Variants in TXNRD3 observed in about 807,000 individuals in gnomAD.
TXNRD3 encodes the protein TXNRD3 neighbor gene protein.
A neutral mutation model predicts 78.2 loss-of-function variants in TXNRD3; 68 were observed. That is an observed-to-expected ratio of 0.87 (90% confidence interval 0.72 to 1.06). The LOEUF (loss-of-function observed/expected upper bound fraction) is 1.06, where lower values mean the gene tolerates loss of function less well. Among genes scored for constraint, TXNRD3 ranks in the 50% least tolerant of loss-of-function variants. The pLI, the probability that TXNRD3 is intolerant of heterozygous loss-of-function variation, is 0.00. For synonymous variants in TXNRD3, 296 were observed against 300.1 expected, an observed-to-expected ratio of 0.99 and a Z score of 0.14; for missense variants, 751 against 809.5, an observed-to-expected ratio of 0.93 and a Z score of 0.88.
intron 6 of TXNRD3, among the ~76,000 whole-genome samples, chr3:126,638,411 G>C (rs1424467024): frequency 6.6e-6 from 1 of 152,116 alleles, no homozygotes; most frequent in Non-Finnish European, 1.5e-5. Flanking sequence ...GGCTAGCTAA[G>C]TATTTCTTAG....
In TXNRD3 at chr3:126,607,676, C is replaced by T. The variant is rs559887723; in HGVS notation, c.*229G>A. On this transcript the variant is annotated 3_prime_UTR_variant, in exon 16 of 16. Transcript: ENST00000524230. ...CTCATAACGGGGCTCCAAGCTAAGG[C>T]GTCAAGGAAGCAGTCCCACTGCTTC... 8.6e-6 allele frequency: 3 copies of T among 349,016 alleles called. No individual in the cohort carries two copies. Among genetic ancestry groups the T allele is most frequent in the South Asian group, 2.9e-4 (2 of 6,870 alleles). The allele number at this position is 349,016 out of a possible 1,614,324, so 21.6% of individuals were successfully genotyped here.
chr3:126,611,903 G>C (rs77225426), intron 13 of TXNRD3, among the ~76,000 whole-genome samples: 3 of 152,068 alleles, frequency 2.0e-5, no homozygotes, highest in Non-Finnish European at 2.9e-5. Flanking sequence ...TTAATTGCTG[G>C]TGCATGTAGA....
chr3:126,624,804 C>T (rs751412316), intron 10 of TXNRD3: 13 of 188,454 alleles, frequency 6.9e-5, no homozygotes, highest in Admixed American at 1.5e-4. Flanking sequence ...CAGTGAAGCA[C>T]GTATGCTCTA....
chr3:126,621,691 A>C (rs1938459385), intron 12 of TXNRD3, 51 bp downstream of exon 12: 21 of 1,400,524 alleles, frequency 1.5e-5, no homozygotes, highest in Non-Finnish European at 1.9e-5. Flanking sequence ...ATTAGTTTTA[A>C]AAATCATGAT....
At chr3:126,609,809 T>C (rs1438140152) in intron 14 of TXNRD3, among the ~76,000 whole-genome samples, 1 of 152,174 alleles carries the variant, frequency 6.6e-6, no homozygotes, top group Non-Finnish European at 1.5e-5. Context: ...AGAACTAGCA[T>C]GACAGCTGCA....
intron 15 of TXNRD3, 54 bp downstream of exon 15, chr3:126,608,445 A>G: frequency 6.8e-7 from 1 of 1,467,714 alleles, no homozygotes; most frequent in Non-Finnish European, 9.0e-7. Context: ...GCTTTATAAT[A>G]GTTTTTCAAA....
intron 1 of TXNRD3, among the ~76,000 whole-genome samples, chr3:126,648,879 A>G (rs573423597): frequency 6.6e-6 from 1 of 152,324 alleles, no homozygotes; most frequent in East Asian, 1.9e-4. Context: ...CTTGTTCATC[A>G]AAGGACAGTT....
intron 12 of TXNRD3, among the ~76,000 whole-genome samples, 175 bp from the exon 13 acceptor site, chr3:126,615,637 CCT>C (rs1395051479): frequency 2.0e-5 from 3 of 152,108 alleles, no homozygotes. Flanking sequence ...GGGATGGGCC[CCT>C]GACTCAGGGG....
chr3:126,654,869 G>T lies in TXNRD3; in HGVS notation c.122C>A (p.Ser41Ter), dbSNP rs773329142. Residue 41 changes from serine to a stop codon, truncating the protein, a stop_gained, in exon 1 of 16, where the codon TCG (serine) becomes TAG (stop). Transcript: ENST00000524230. LOFTEE classifies it high-confidence loss of function. ...GGACGAGCGGCTGGGCCCGGGGGAC[G>T]ACAGGCGGGCACGGCGCCCCGGCGG... The T allele has an allele frequency of 1.1e-5, 15 of 1,338,406 alleles. No homozygotes were observed. The South Asian group carries it at 2.9e-4, about 26-fold the overall frequency. The allele number at this position is 1,338,406 out of a possible 1,614,324, so 82.9% of individuals were successfully genotyped here.
At chr3:126,629,957 C>G (rs1310371553) in intron 9 of TXNRD3, among the ~76,000 whole-genome samples, 1 of 152,138 alleles carries the variant, frequency 6.6e-6, no homozygotes, top group Non-Finnish European at 1.5e-5. Context: ...GAATCATTAG[C>G]ATTTAGATAA....
chr3:126,636,081 G>A (rs145781944), intron 6 of TXNRD3, among the ~76,000 whole-genome samples: 2 of 152,216 alleles, frequency 1.3e-5, no homozygotes, highest in African/African-American at 4.8e-5. Flanking sequence ...ACAGGCATGA[G>A]CCACCATGCC....
chr3:126,622,858 T>G (rs941054444), intron 10 of TXNRD3, among the ~76,000 whole-genome samples: 3 of 152,142 alleles, frequency 2.0e-5, no homozygotes, highest in Non-Finnish European at 4.4e-5. Context: ...AAATAGGTCA[T>G]ATGGGTGTGC....
intron 12 of TXNRD3, among the ~76,000 whole-genome samples, chr3:126,619,686 T>C (rs1381036222): frequency 6.6e-6 from 1 of 152,192 alleles, no homozygotes; most frequent in African/African-American, 2.4e-5. Context: ...ATTCATTGCA[T>C]ATTTCCAAAA....
chr3:126,620,192 G>A (rs2107613362), intron 12 of TXNRD3, among the ~76,000 whole-genome samples: 1 of 151,930 alleles, frequency 6.6e-6, no homozygotes, highest in Admixed American at 6.6e-5. Context: ...CTACCTGGGA[G>A]GCTGAGGCAG....
In TXNRD3 at chr3:126,608,620, C is replaced by G. The variant is rs1040956876; in HGVS notation, c.1742G>C (p.Gly581Ala). 10 of 1,535,346 alleles carry G rather than the reference C, an allele frequency of 6.5e-6. No individual in the cohort carries two copies. The highest frequency in any genetic ancestry group is 8.7e-6 in the Non-Finnish European group (10 of 1,146,628). Residue 581 changes from glycine (G) to alanine (A), a missense_variant, in exon 15 of 16, where the codon GGA becomes GCA. Transcript: ENST00000524230. ...GGCGTTTGGTCCAAGAATATGAAAT[C>G]CTATCACCCGATCCTTTAATACAGA... is the stretch of plus-strand genomic sequence containing the variant.
intron 14 of TXNRD3, 96 bp downstream of exon 14, chr3:126,610,941 C>A: frequency 1.4e-6 from 1 of 715,086 alleles, no homozygotes; most frequent in Non-Finnish European, 2.1e-6. Flanking sequence ...TGGCAAGATC[C>A]CGTCTCTAAA....
At chr3:126,620,122 C>G (rs1001630406) in intron 12 of TXNRD3, among the ~76,000 whole-genome samples, 9 of 151,938 alleles carry the variant, frequency 5.9e-5, no homozygotes, top group African/African-American at 2.2e-4. Flanking sequence ...AGTGAAACCC[C>G]GTCTCAACTA....
At chr3:126,619,324 A>G (rs1035218722) in intron 12 of TXNRD3, among the ~76,000 whole-genome samples, 2 of 152,248 alleles carry the variant, frequency 1.3e-5, no homozygotes, top group Non-Finnish European at 2.9e-5. Context: ...TCCATAATGC[A>G]TGAATGGATA....
At chr3:126,628,326 G>GATTTATAC (rs1348759584) in intron 10 of TXNRD3, among the ~76,000 whole-genome samples, 1 of 152,002 alleles carries the variant, frequency 6.6e-6, no homozygotes, top group Non-Finnish European at 1.5e-5. Flanking sequence ...GACTGTACTG[G>GATTTATAC]AGGTCCTAAC....
Sources: allele counts gnomAD v4.1 joint callset (sites outside exome capture counted in the v4.1 genomes callset), GRCh38; gene constraint gnomAD v4.1.1; transcripts MANE v1.5; gene names NCBI Gene and HGNC (gene_info 2026-07-23, HGNC 2026-07-21).